ASB3: variants seen among roughly 807,000 people sequenced by gnomAD.
ASB3 encodes ankyrin repeat and SOCS box protein 3.
ASB3 carries 41 observed loss-of-function variants against 54.5 expected under a neutral mutation model. That is an observed-to-expected ratio of 0.75 (90% CI 0.59 to 0.98). The LOEUF (loss-of-function observed/expected upper bound fraction) is 0.98, where lower values mean the gene tolerates loss of function less well. Among genes scored for constraint, ASB3 ranks in the 50% least tolerant of loss-of-function variants. ASB3 has a pLI of 0.00. For missense variants in ASB3, 733 were observed against 620.0 expected (o/e 1.18, Z -1.94); for synonymous variants, 266 against 221.2 (o/e 1.20, Z -1.80).
intron 1 of ASB3, among the ~76,000 whole-genome samples, chr2:53,781,079 G>C (rs1674616815): frequency 6.6e-6 from 1 of 151,998 alleles, no homozygotes; most frequent in South Asian, 2.1e-4. Flanking sequence ...CACTGAACAG[G>C]AACAAAATGA....
chr2:53,740,318 T>G (rs1671866254), intron 3 of ASB3, among the ~76,000 whole-genome samples: 1 of 152,210 alleles, frequency 6.6e-6, no homozygotes, highest in Admixed American at 6.5e-5. Flanking sequence ...GGAACATTTG[T>G]AAGAACATTT....
At position 53,678,086 on chromosome 2, in the gene ASB3, T is replaced by A. The variant is rs1048380027; in HGVS notation, c.1370-7396A>T. On this transcript the variant is annotated intron_variant, in intron 9 of 9. Transcript: ENST00000263634. Reference sequence around the variant, plus strand: ...GATATACCTACCATAATGAAGTGATTACTACAGTCAAACAAACATTAATAT... The same window carrying A: ...GATATACCTACCATAATGAAGTGATAACTACAGTCAAACAAACATTAATAT... Among the ~76,000 whole-genome samples, 3 of 152,286 alleles carry A rather than the reference T, an allele frequency of 2.0e-5. No homozygotes were observed. The East Asian group carries it at 5.8e-4, about 29-fold the overall frequency.
chr2:53,676,407 T>C lies in ASB3; in HGVS notation c.1370-5717A>G, dbSNP rs113961541. On this transcript the variant is annotated intron_variant, in intron 9 of 9. Transcript: ENST00000263634. ...TCTTACACACCTTTTCCAAAACACATCATTCTGTTAAATAAGCCATTACTG... is the reference window on the plus strand; with the variant it reads ...TCTTACACACCTTTTCCAAAACACACCATTCTGTTAAATAAGCCATTACTG... Among the ~76,000 whole-genome samples, 709 of 152,272 alleles carry C rather than the reference T, an allele frequency of 4.7e-3. 6 individuals are homozygous for C. The highest frequency in any genetic ancestry group is 0.016 in the African/African-American group (679 of 41,562).
chr2:53,732,872 G>T (rs1671396685), intron 3 of ASB3, among the ~76,000 whole-genome samples: 1 of 152,222 alleles, frequency 6.6e-6, no homozygotes, highest in African/African-American at 2.4e-5. Context: ...CGCTTTGGAA[G>T]AGGAGCATTC....
chr2:53,721,078 A>G (rs1390409954), intron 5 of ASB3, among the ~76,000 whole-genome samples: 1 of 151,606 alleles, frequency 6.6e-6, no homozygotes, highest in African/African-American at 2.4e-5. Flanking sequence ...AGATCATGCC[A>G]CTGCACTCCA....
intron 2 of ASB3, among the ~76,000 whole-genome samples, chr2:53,763,252 G>C (rs1485086123): frequency 6.6e-6 from 1 of 152,190 alleles, no homozygotes; most frequent in African/African-American, 2.4e-5. Flanking sequence ...CCAGCTACTT[G>C]GGAGACTGAG....
At chr2:53,774,183 G>C in intron 1 of ASB3, 1 of 1,612,666 alleles carries the variant, frequency 6.2e-7, no homozygotes, top group Non-Finnish European at 8.5e-7. Flanking sequence ...CAGTAGGAAA[G>C]GAAGAAGAAG....
At chr2:53,702,543 G>A (rs1248190861) in intron 7 of ASB3, among the ~76,000 whole-genome samples, 1 of 152,096 alleles carries the variant, frequency 6.6e-6, no homozygotes, top group Non-Finnish European at 1.5e-5. Context: ...TCAAGTACCC[G>A]AGATTTAAAC....
intron 1 of ASB3, among the ~76,000 whole-genome samples, chr2:53,777,067 TTTAC>T (rs967041790): frequency 6.6e-6 from 1 of 152,198 alleles, no homozygotes; most frequent in African/African-American, 2.4e-5. Flanking sequence ...TCTTGGTTGT[TTTAC>T]TTAATTGTAC....
intron 5 of ASB3, among the ~76,000 whole-genome samples, chr2:53,727,675 A>T (rs1247265687): frequency 6.6e-6 from 1 of 152,062 alleles, no homozygotes; most frequent in Non-Finnish European, 1.5e-5. Flanking sequence ...ACTTTGTATG[A>T]TCTATTTTCT....
intron 9 of ASB3, among the ~76,000 whole-genome samples, chr2:53,691,662 G>A (rs1668919786): frequency 6.6e-6 from 1 of 152,072 alleles, no homozygotes; most frequent in Non-Finnish European, 1.5e-5. Context: ...GAGTCCCGAT[G>A]ACCAACATAC....
chr2:53,786,443 C>T (rs970886675), intron 1 of ASB3: 1 of 152,190 alleles, frequency 6.6e-6, no homozygotes, highest in African/African-American at 2.4e-5. Context: ...CGGGCTACCT[C>T]ACCCCAGGTT....
intron 9 of ASB3, among the ~76,000 whole-genome samples, chr2:53,682,488 T>G (rs1409554574): frequency 6.6e-6 from 1 of 152,180 alleles, no homozygotes; most frequent in African/African-American, 2.4e-5. Context: ...CTTTTTGCTT[T>G]TATTTTGAGA....
intron 7 of ASB3, among the ~76,000 whole-genome samples, chr2:53,711,493 G>GA (rs1670093894): frequency 6.6e-6 from 1 of 152,174 alleles, no homozygotes; most frequent in Admixed American, 6.5e-5. Context: ...CACAGCAGAA[G>GA]AAAAAGAAGG....
chr2:53,781,101 A>G (rs1365765322), intron 1 of ASB3, among the ~76,000 whole-genome samples: 1 of 152,184 alleles, frequency 6.6e-6, no homozygotes, highest in Non-Finnish European at 1.5e-5. Flanking sequence ...ATTAAGGCCT[A>G]CAATTTTAAA....
chr2:53,702,602 G>A (rs1014140039), intron 7 of ASB3, among the ~76,000 whole-genome samples: 2 of 152,120 alleles, frequency 1.3e-5, no homozygotes, highest in Non-Finnish European at 2.9e-5. Flanking sequence ...TTGTGACATA[G>A]AGGGACTGTA....
intron 1 of ASB3, among the ~76,000 whole-genome samples, chr2:53,778,657 C>T (rs1344860439): frequency 6.6e-6 from 1 of 152,128 alleles, no homozygotes; most frequent in East Asian, 1.9e-4. Flanking sequence ...TTGTACTTGG[C>T]TTATCTCATT....
At chr2:53,736,700 GAAA>G (rs60348593) in intron 3 of ASB3, among the ~76,000 whole-genome samples, 16 of 130,834 alleles carry the variant, frequency 1.2e-4, no homozygotes, top group African/African-American at 2.3e-4. Flanking sequence ...TTCCATCTCA[GAAA>G]AAAAAAAAAA....
chr2:53,715,967 T>C (rs1347987960), intron 6 of ASB3, among the ~76,000 whole-genome samples: 3 of 152,204 alleles, frequency 2.0e-5, no homozygotes, highest in Non-Finnish European at 4.4e-5. Flanking sequence ...CAATTTATGA[T>C]AGGTAGCCAT....
Sources: allele counts gnomAD v4.1 joint callset (sites outside exome capture counted in the v4.1 genomes callset), GRCh38; gene constraint gnomAD v4.1.1; transcripts MANE v1.5; gene names NCBI Gene and HGNC (gene_info 2026-07-23, HGNC 2026-07-21).